ATG4A: variants seen among roughly 807,000 people sequenced by gnomAD.
The protein encoded by ATG4A is autophagy related 4A cysteine peptidase, also known as cysteine protease ATG4A.
Under a neutral mutation model 38.4 loss-of-function variants are expected in ATG4A, and 22 were observed. The ratio of observed to expected loss-of-function variants is 0.57; its 90% CI spans 0.41 to 0.82. The LOEUF (loss-of-function observed/expected upper bound fraction) is 0.82. Among genes scored for constraint, ATG4A ranks in the 40% least tolerant of loss-of-function variants. The pLI, the probability that ATG4A is intolerant of heterozygous loss-of-function variation, is 0.00. For synonymous variants in ATG4A, 86 were observed against 100.7 expected (o/e 0.85, Z 0.88); for missense variants, 220 against 290.0 (o/e 0.76, Z 1.75).
intron 1 of ATG4A, among the ~76,000 whole-genome samples, chrX:108,112,032 G>C: frequency 9.0e-6 from 1 of 110,829 alleles, no homozygotes; most frequent in South Asian, 3.9e-4. Flanking sequence ...ACATACTAGG[G>C]ATATCTATTT....
At chrX:108,108,857 C>T (rs1304737941) in intron 1 of ATG4A, among the ~76,000 whole-genome samples, 1 of 112,073 alleles carries the variant, frequency 8.9e-6, no homozygotes, top group Non-Finnish European at 1.9e-5. Flanking sequence ...TGGAATTACA[C>T]AGTATTAGTC....
intron 1 of ATG4A, among the ~76,000 whole-genome samples, chrX:108,125,697 G>A (rs1162379293): frequency 8.9e-6 from 1 of 111,998 alleles, no homozygotes; most frequent in African/African-American, 3.3e-5. Context: ...GATATTCCCT[G>A]TGACATGGGC....
chrX:108,117,155 C>T (rs761425103), intron 1 of ATG4A, among the ~76,000 whole-genome samples: 91 of 108,704 alleles, frequency 8.4e-4, no homozygotes, highest in African/African-American at 2.8e-3. Flanking sequence ...TATAAACCAG[C>T]TTTTAGGCTT....
At chrX:108,124,407 A>G (rs894011252) in intron 1 of ATG4A, among the ~76,000 whole-genome samples, 2 of 112,658 alleles carry the variant, frequency 1.8e-5, no homozygotes, top group Admixed American at 1.9e-4. Flanking sequence ...AAGATATTTT[A>G]AGAAAGGTAA....
At chrX:108,136,972 AC>A in intron 6 of ATG4A, 118 bp from the exon 7 acceptor site, 1 of 538,835 alleles carries the variant, frequency 1.9e-6, no homozygotes, top group Non-Finnish European at 2.9e-6. Flanking sequence ...TGACCTGAAC[AC>A]CAGCTTTTCT....
chrX:108,111,851 A>T (rs1227860639), intron 1 of ATG4A, among the ~76,000 whole-genome samples: 5 of 111,517 alleles, frequency 4.5e-5, no homozygotes, highest in Admixed American at 1.9e-4. Flanking sequence ...GCAATTATTT[A>T]AAAAAAATAG....
intron 1 of ATG4A, among the ~76,000 whole-genome samples, chrX:108,115,898 G>A (rs2032496463): frequency 8.9e-6 from 1 of 112,282 alleles, no homozygotes; most frequent in East Asian, 2.8e-4. Flanking sequence ...AAATGGGTTC[G>A]TATTTTGTTT....
At chrX:108,120,793 G>A (rs1442042410) in intron 1 of ATG4A, among the ~76,000 whole-genome samples, 2 of 111,974 alleles carry the variant, frequency 1.8e-5, no homozygotes, top group Non-Finnish European at 3.8e-5. Context: ...ATCAGGTGTA[G>A]CCTCCTCTGC....
chrX:108,098,284 A>G (rs1000852869), intron 1 of ATG4A, among the ~76,000 whole-genome samples: 3 of 112,218 alleles, frequency 2.7e-5, no homozygotes, highest in Non-Finnish European at 5.6e-5. Context: ...ACAGGCTGTT[A>G]TAATAAAGCA....
rs748973037 is a variant in ATG4A, at chrX:108,104,051, T to A, written c.10+12215T>A. Among the ~76,000 whole-genome samples, 291 of 112,028 alleles carry A rather than the reference T, an allele frequency of 2.6e-3. 1 individual carries two copies. Among genetic ancestry groups the A allele is most frequent in the Non-Finnish European group, 4.5e-3 (237 of 53,176 alleles). ...TAGTAGAGATGGGATTTCACCATGT[T>A]GGCTAGGCTGGTCTCGAACTCCTGA... On this transcript the variant is annotated intron_variant, in intron 1 of 12. Transcript: ENST00000372232.
chrX:108,141,893 T>G (rs1245406762), intron 9 of ATG4A, among the ~76,000 whole-genome samples: 1 of 111,511 alleles, frequency 9.0e-6, no homozygotes, highest in Admixed American at 9.5e-5. Flanking sequence ...TGTGTAATGG[T>G]GTGGATTGGG....
chrX:108,132,119 G>A (rs1342565670), intron 4 of ATG4A, among the ~76,000 whole-genome samples: 1 of 111,559 alleles, frequency 9.0e-6, no homozygotes, highest in South Asian at 3.8e-4. Context: ...GGCTGATCTC[G>A]AACTCCTGAC....
In ATG4A at chrX:108,106,724, CT is replaced by C. The variant is rs1252235206; in HGVS notation, c.10+14889del. 2.7e-5 allele frequency among the ~76,000 whole-genome samples: 3 copies of C among 112,274 alleles called. No homozygotes were observed. In the East Asian group the frequency reaches 8.3e-4, roughly 31 times the overall value. ...GAAAAATGTGCCATTTCCCTTTGGA[CT>C]CCATGGTTCCTCTTAATAAATCTAC... On this transcript the variant is annotated intron_variant, in intron 1 of 12. Transcript: ENST00000372232.
intron 12 of ATG4A, 77 bp from the exon 13 acceptor site, chrX:108,153,565 T>C: frequency 1.3e-6 from 1 of 798,087 alleles, no homozygotes; most frequent in South Asian, 2.3e-5. Context: ...TAGTCTTAAC[T>C]ACTGAGTAAA....
chrX:108,130,460 A>G (rs1195244279), intron 3 of ATG4A, among the ~76,000 whole-genome samples: 1 of 112,268 alleles, frequency 8.9e-6, no homozygotes, highest in Non-Finnish European at 1.9e-5. Context: ...CTATTGTCTT[A>G]TTTCGTTTAT....
intron 9 of ATG4A, among the ~76,000 whole-genome samples, chrX:108,149,684 G>T (rs1438709521): frequency 8.9e-6 from 1 of 112,209 alleles, no homozygotes; most frequent in Non-Finnish European, 1.9e-5. Flanking sequence ...TCTTTTGAAG[G>T]TCAGGACCTC....
chrX:108,109,699 T>C (rs757750792), intron 1 of ATG4A, among the ~76,000 whole-genome samples: 1 of 112,355 alleles, frequency 8.9e-6, no homozygotes, highest in South Asian at 3.7e-4. Flanking sequence ...TATGTGGATA[T>C]CCATTGTCCC....
chrX:108,128,101 C>A lies in ATG4A; in HGVS notation c.122-680C>A, dbSNP rs1301603491. Among the ~76,000 whole-genome samples, 3 of 111,923 alleles carry A rather than the reference C, an allele frequency of 2.7e-5. No homozygotes were observed. In the Admixed American group the frequency reaches 2.8e-4, roughly 11 times the overall value. ...ACATGCATCCACACAAACAAGCCAA[C>A]CCCTAGTTTTTGTTTTGTTTTATTT... On this transcript the variant is annotated intron_variant, in intron 2 of 12. Coordinates refer to ENST00000372232, the MANE Select transcript of ATG4A (RefSeq NM_052936.5).
chrX:108,098,869 G>GT (rs1190915894), intron 1 of ATG4A, among the ~76,000 whole-genome samples: 4 of 111,313 alleles, frequency 3.6e-5, no homozygotes, highest in African/African-American at 6.5e-5. Flanking sequence ...AGGTACCACA[G>GT]TTTTTTTAAC....
Sources: gnomAD v4.1 joint callset for allele counts (sites outside exome capture counted in the v4.1 genomes callset) on GRCh38, gnomAD v4.1.1 for gene constraint, MANE v1.5 for transcripts, NCBI Gene and HGNC (gene_info 2026-07-23, HGNC 2026-07-21) for gene names.